ACTN4: variants seen among roughly 807,000 people sequenced by gnomAD.
The protein encoded by ACTN4 is actinin alpha 4, also known as alpha-actinin-4.
A neutral mutation model predicts 114.2 loss-of-function variants in ACTN4; 18 were observed. That is an observed-to-expected ratio of 0.16 (90% CI 0.11 to 0.23). The LOEUF is 0.23. ACTN4 is among the 10% of genes least tolerant of loss of function. The pLI is 1.00. For missense variants in ACTN4, 722 were observed against 1,262.9 expected (o/e 0.57, Z 6.49); for synonymous variants, 515 against 506.3 (o/e 1.02, Z -0.23).
intron 1 of ACTN4, among the ~76,000 whole-genome samples, chr19:38,666,167 G>A (rs1047810598): frequency 1.3e-5 from 2 of 151,202 alleles, no homozygotes; most frequent in African/African-American, 4.9e-5. Context: ...CCTTCCTCCC[G>A]CGCCCCCCCC....
intron 1 of ACTN4, among the ~76,000 whole-genome samples, chr19:38,687,001 T>C (rs1331171770): frequency 6.7e-6 from 1 of 149,436 alleles, no homozygotes; most frequent in Non-Finnish European, 1.5e-5. Context: ...TCTCACTCTG[T>C]TGCCCAGGCT....
intron 1 of ACTN4, among the ~76,000 whole-genome samples, chr19:38,664,548 C>T (rs1966898517): frequency 1.3e-5 from 2 of 152,166 alleles, no homozygotes; most frequent in Non-Finnish European, 2.9e-5. Flanking sequence ...ACTCCAGCCT[C>T]CATCCTAAAG....
chr19:38,708,289 C>T, intron 6 of ACTN4, 94 bp downstream of exon 6: 1 of 1,397,058 alleles, frequency 7.2e-7, no homozygotes, highest in South Asian at 1.2e-5. Flanking sequence ...CCATCGCCAG[C>T]CTCCAGATCT....
intron 1 of ACTN4, among the ~76,000 whole-genome samples, chr19:38,669,487 G>A (rs750777334): frequency 6.6e-6 from 1 of 152,204 alleles, no homozygotes; most frequent in South Asian, 2.1e-4. Flanking sequence ...AGATGGGACT[G>A]GGTAGGGGAC....
intron 1 of ACTN4, among the ~76,000 whole-genome samples, chr19:38,658,947 CTG>C (rs1409988636): frequency 6.6e-6 from 1 of 152,032 alleles, no homozygotes; most frequent in Non-Finnish European, 1.5e-5. Flanking sequence ...TCACCCGACA[CTG>C]TGTCTCATGG....
At chr19:38,654,283 C>T (rs867011172) in intron 1 of ACTN4, among the ~76,000 whole-genome samples, 5 of 152,098 alleles carry the variant, frequency 3.3e-5, no homozygotes, top group East Asian at 3.9e-4. Context: ...GTGAAATCGC[C>T]GGGTGTGGTG....
At chr19:38,705,475 A>G (rs950420249) in intron 4 of ACTN4, among the ~76,000 whole-genome samples, 1 of 152,210 alleles carries the variant, frequency 6.6e-6, no homozygotes, top group Non-Finnish European at 1.5e-5. Flanking sequence ...ACCTGTGTGC[A>G]CACAGGATGG....
At chr19:38,700,029 C>T (rs763501093) in intron 1 of ACTN4, among the ~76,000 whole-genome samples, 10 of 152,152 alleles carry the variant, frequency 6.6e-5, no homozygotes, top group South Asian at 2.1e-4. Context: ...GTGATTGGAA[C>T]GTAGCAGCCT....
chr19:38,662,672 G>A (rs2144853898), intron 1 of ACTN4, among the ~76,000 whole-genome samples: 1 of 152,302 alleles, frequency 6.6e-6, no homozygotes, highest in Non-Finnish European at 1.5e-5. Context: ...AAATGTGTCG[G>A]ATTAGGTTGA....
In ACTN4 at chr19:38,701,209, T is replaced by C. The variant is rs1451870069; in HGVS notation, c.397+88T>C. 4 of 1,596,576 alleles carry C rather than the reference T, an allele frequency of 2.5e-6. No individual in the cohort carries two copies. The Admixed American group carries it at 6.8e-5, about 27-fold the overall frequency. On this transcript the variant is annotated intron_variant, in intron 3 of 20. Coordinates refer to ENST00000252699, the MANE Select transcript of ACTN4 (RefSeq NM_004924.6). ...AACATCTGCATCCTGAAGAGAAGTT[T>C]TGTTGGTGGCAGGGCGCTTGGGGCA...
chr19:38,668,830 T>G (rs1967045089), intron 1 of ACTN4, among the ~76,000 whole-genome samples: 1 of 152,194 alleles, frequency 6.6e-6, no homozygotes, highest in Non-Finnish European at 1.5e-5. Flanking sequence ...TTCGCCTTCA[T>G]GGGTTTGAAA....
chr19:38,703,475 C>T (rs965902594), intron 3 of ACTN4, among the ~76,000 whole-genome samples: 1 of 150,970 alleles, frequency 6.6e-6, no homozygotes, highest in Admixed American at 6.6e-5. Context: ...TGACCTCAGG[C>T]GATCCACACC....
At chr19:38,720,818 G>A (rs1969014026) in intron 11 of ACTN4, among the ~76,000 whole-genome samples, 1 of 152,256 alleles carries the variant, frequency 6.6e-6, no homozygotes, top group Non-Finnish European at 1.5e-5. Flanking sequence ...AGCCCAAGGT[G>A]GTGTGCCTGA....
At position 38,724,462 on chromosome 19, in the gene ACTN4, C is replaced by T; in HGVS notation, c.1907C>T (p.Ala636Val). The change falls in exon 16 of 21, where the codon GCC becomes GTC. Residue 636 changes from alanine to valine, a missense_variant. Physicochemically the swap from Ala to Val is moderately conservative, Grantham distance 64 (BLOSUM62 0). Around this residue, in one of 3 missense-constraint regions of ACTN4, gnomAD observed 523 missense variants for 875.9 expected, o/e 0.60. Transcript: ENST00000252699. This position sits in a 1 kb window ranked among gnomAD's most constrained non-coding sequence, Gnocchi z 7.0. ...CAGCTGGTGCCAAAACGGGACCATG[C>T]CCTCCTGGAGGAGCAGAGCAAGCAG... ...VQQLVPKRDHALLEEQSKQQS... is the reference protein window; with the variant it reads ...VQQLVPKRDHVLLEEQSKQQS... 1 of 1,613,530 alleles carries T rather than the reference C, an allele frequency of 6.2e-7. No homozygotes were observed. Among genetic ancestry groups the T allele is most frequent in the Non-Finnish European group, 8.5e-7 (1 of 1,179,984 alleles).
intron 20 of ACTN4, 39 bp downstream of exon 20, chr19:38,729,193 GA>G (rs1969382246): frequency 6.2e-7 from 1 of 1,612,690 alleles, no homozygotes; most frequent in Admixed American, 1.7e-5. Context: ...GGGCTGGCGA[GA>G]GGGGTCCCTG....
intron 12 of ACTN4, 121 bp downstream of exon 12, chr19:38,721,809 C>A: frequency 7.1e-7 from 1 of 1,403,058 alleles, no homozygotes; most frequent in Non-Finnish European, 9.8e-7. Flanking sequence ...CCCAGTGCCC[C>A]AACTGCACCT....
In ACTN4 at chr19:38,729,303, A is replaced by G. The variant is rs34147918; in HGVS notation, c.2607A>G (p.Arg869=). The stretch of plus-strand genomic sequence containing the variant: ...TCATCACAGCTGAGGAGCTGCGGAG[A>G]GAGCTGCCCCCCGACCAGGCCGAGT... ...KNFITAEELR[R]ELPPDQAEYC... is the part of the protein sequence containing the mutation. The change falls in exon 21 of 21, where the codon AGA becomes AGG. Residue 869 remains arginine (R), a synonymous_variant. Transcript: ENST00000252699. 56 of 1,612,650 alleles carry G rather than the reference A, an allele frequency of 3.5e-5. No individual in the cohort carries two copies. The highest frequency in any genetic ancestry group is 5.3e-5 in the African/African-American group (4 of 74,870).
intron 1 of ACTN4, among the ~76,000 whole-genome samples, chr19:38,670,751 C>T (rs372626853): frequency 6.6e-6 from 1 of 151,890 alleles, no homozygotes; most frequent in African/African-American, 2.4e-5. Flanking sequence ...GGTGAAACCC[C>T]ATCTCTACTA....
chr19:38,729,201 C>G, intron 20 of ACTN4, 47 bp downstream of exon 20: 1 of 1,612,718 alleles, frequency 6.2e-7, no homozygotes, highest in Non-Finnish European at 8.5e-7. Flanking sequence ...GAGAGGGGTC[C>G]CTGCAGTGGG....
Sources: gnomAD v4.1 joint callset for allele counts (sites outside exome capture counted in the v4.1 genomes callset) on GRCh38, gnomAD v4.1.1 for gene constraint, gnomAD v4.1.1 regional missense constraint, Gnocchi (gnomAD v3.1) non-coding constraint, MANE v1.5 for transcripts, NCBI Gene and HGNC (gene_info 2026-07-23, HGNC 2026-07-21) for gene names.